TMEM132C: variants seen among roughly 807,000 people sequenced by gnomAD.
TMEM132C encodes the protein transmembrane protein 132C.
A neutral mutation model predicts 61.4 loss-of-function variants in TMEM132C; 29 were observed. The observed-to-expected ratio is 0.47, with a 90% confidence interval of 0.35 to 0.64. The LOEUF is 0.64. Among genes scored for constraint, TMEM132C ranks in the 30% least tolerant of loss-of-function variants. The pLI, the probability that TMEM132C is intolerant of heterozygous loss-of-function variation, is 0.00. For synonymous variants in TMEM132C, 656 were observed against 633.1 expected, an observed-to-expected ratio of 1.04 and a Z score of -0.54; for missense variants, 1,408 against 1,476.9, an observed-to-expected ratio of 0.95 and a Z score of 0.76.
intron 4 of TMEM132C, among the ~76,000 whole-genome samples, chr12:128,642,708 A>G (rs116387229): frequency 0.015 from 2,284 of 152,288 alleles, 62 homozygotes; most frequent in African/African-American, 0.053. Flanking sequence ...AGCCTGCAGA[A>G]CCATGAACCA....
chr12:128,278,909 A>C lies in TMEM132C; in HGVS notation c.85+11422A>C, dbSNP rs1412114415. ...AAAAGGCTGACCACCCCTAGAAGACAAGAAGGAATTCTGCCAGTCGACAGC... is the reference window on the plus strand; with the variant it reads ...AAAAGGCTGACCACCCCTAGAAGACCAGAAGGAATTCTGCCAGTCGACAGC... On this transcript the variant is annotated intron_variant, in intron 1 of 8. Coordinates refer to ENST00000435159, the MANE Select transcript of TMEM132C (RefSeq NM_001136103.3). The surrounding 1 kb of genome is among the most constrained non-coding windows in gnomAD (Gnocchi z 4.2). Among the ~76,000 whole-genome samples the C allele has an allele frequency of 1.3e-5, 2 of 152,092 alleles. No homozygotes were observed. The highest frequency in any genetic ancestry group is 4.8e-5 in the African/African-American group (2 of 41,396).
In TMEM132C at chr12:128,497,914, T is replaced by C. The variant is rs111686423; in HGVS notation, c.975-46043T>C. ...ATGCAGAAATCACCCGTCTTCTGCA[T>C]CGCTCATGCTGGGAGCTGTAGACTG... is the stretch of plus-strand genomic sequence containing the variant. On this transcript the variant is annotated intron_variant, in intron 2 of 8. Coordinates refer to ENST00000435159, the MANE Select transcript of TMEM132C (RefSeq NM_001136103.3). Among the ~76,000 whole-genome samples the C allele has an allele frequency of 4.9e-4, 74 of 152,266 alleles. 1 individual carries two copies. Among genetic ancestry groups the C allele is most frequent in the African/African-American group, 1.7e-3 (69 of 41,550 alleles).
At chr12:128,666,506 A>G (rs1854032842) in intron 4 of TMEM132C, among the ~76,000 whole-genome samples, 1 of 152,214 alleles carries the variant, frequency 6.6e-6, no homozygotes, top group African/African-American at 2.4e-5. Context: ...CTAGGATTCA[A>G]CAGTCGAAAA....
chr12:128,690,116 A>T (rs538439429), intron 5 of TMEM132C, among the ~76,000 whole-genome samples: 2 of 152,292 alleles, frequency 1.3e-5, no homozygotes, highest in South Asian at 4.1e-4. Flanking sequence ...ACCAAGCCTC[A>T]CGTGACCCCA....
rs79791752 is a variant in TMEM132C, at chr12:128,648,978, C to T, written c.1306-20439C>T. ...CAGCGTAGGATGTGAGTGTGTTTAGCTCAGTCCATCAGCATTGGATAAGTA... is the reference window on the plus strand; with the variant it reads ...CAGCGTAGGATGTGAGTGTGTTTAGTTCAGTCCATCAGCATTGGATAAGTA... On this transcript the variant is annotated intron_variant, in intron 4 of 8. Coordinates refer to ENST00000435159, the MANE Select transcript of TMEM132C (RefSeq NM_001136103.3). Among the ~76,000 whole-genome samples the T allele has an allele frequency of 3.4e-3, 512 of 149,632 alleles. 6 individuals carry two copies. Among genetic ancestry groups the T allele is most frequent in the Middle Eastern group, 0.01 (3 of 286 alleles).
At chr12:128,416,331 A>C (rs1868781546) in intron 2 of TMEM132C, among the ~76,000 whole-genome samples, 1 of 152,198 alleles carries the variant, frequency 6.6e-6, no homozygotes, top group Non-Finnish European at 1.5e-5. Flanking sequence ...ACAGGAGCAC[A>C]TGTTTTCTGA....
At chr12:128,393,163 C>G (rs1261381196) in intron 1 of TMEM132C, among the ~76,000 whole-genome samples, 1 of 152,184 alleles carries the variant, frequency 6.6e-6, no homozygotes, top group Non-Finnish European at 1.5e-5. Context: ...TAGGAAATGA[C>G]GATCCACAGT....
At chr12:128,545,206 A>T (rs118070589) in intron 3 of TMEM132C, among the ~76,000 whole-genome samples, 6,139 of 152,252 alleles carry the variant, frequency 0.04, 148 homozygotes, top group African/African-American at 0.05. Flanking sequence ...CCCACTTATA[A>T]GTGAGAACAT....
intron 3 of TMEM132C, among the ~76,000 whole-genome samples, chr12:128,579,780 G>A (rs1485532792): frequency 6.6e-6 from 1 of 152,188 alleles, no homozygotes; most frequent in Non-Finnish European, 1.5e-5. Context: ...CTGCCTTCAA[G>A]CTGGAGAGAT....
At chr12:128,569,609 T>C (rs1192895180) in intron 3 of TMEM132C, among the ~76,000 whole-genome samples, 1 of 152,216 alleles carries the variant, frequency 6.6e-6, no homozygotes, top group Admixed American at 6.5e-5. Flanking sequence ...ATCAGCTTTT[T>C]ATTAACCAGG....
chr12:128,583,297 A>G (rs1221551768), intron 3 of TMEM132C, among the ~76,000 whole-genome samples: 1 of 58,850 alleles, frequency 1.7e-5, no homozygotes, highest in East Asian at 7.2e-4. Flanking sequence ...CATATACATA[A>G]GTAAGAGTTT....
At chr12:128,638,854 ATGG>A (rs1593129182) in intron 4 of TMEM132C, among the ~76,000 whole-genome samples, 2 of 149,834 alleles carry the variant, frequency 1.3e-5, no homozygotes, top group Admixed American at 1.3e-4. Flanking sequence ...GATGATGGTG[ATGG>A]TGGTGATGAA....
chr12:128,433,849 G>A (rs1869482877), intron 2 of TMEM132C, among the ~76,000 whole-genome samples: 1 of 152,214 alleles, frequency 6.6e-6, no homozygotes, highest in African/African-American at 2.4e-5. Context: ...TAGGCAAAAG[G>A]GCCATAGCCC....
At chr12:128,321,093 T>C (rs1162105739) in intron 1 of TMEM132C, among the ~76,000 whole-genome samples, 4 of 150,400 alleles carry the variant, frequency 2.7e-5, no homozygotes, top group Non-Finnish European at 3.0e-5. Flanking sequence ...CCAGCCATGA[T>C]TTGTAGGAGG....
At chr12:128,303,420 C>A (rs896841373) in intron 1 of TMEM132C, among the ~76,000 whole-genome samples, 1 of 152,114 alleles carries the variant, frequency 6.6e-6, no homozygotes, top group Admixed American at 6.6e-5. Flanking sequence ...GAGCCTGATT[C>A]CAAAGTTTTC....
chr12:128,459,039 G>A (rs1174522519), intron 2 of TMEM132C, among the ~76,000 whole-genome samples: 1 of 152,212 alleles, frequency 6.6e-6, no homozygotes. Context: ...CAGTACAAGA[G>A]GTTTTAGACA....
chr12:128,478,952 T>C (rs997312710), intron 2 of TMEM132C, among the ~76,000 whole-genome samples: 6 of 152,192 alleles, frequency 3.9e-5, no homozygotes, highest in Non-Finnish European at 8.8e-5. Context: ...AGAGACCTCA[T>C]AAGGCTGGCC....
intron 3 of TMEM132C, among the ~76,000 whole-genome samples, chr12:128,583,109 C>T (rs999632433): frequency 6.6e-6 from 1 of 152,148 alleles, no homozygotes; most frequent in Non-Finnish European, 1.5e-5. Flanking sequence ...CTGAAAACAA[C>T]CCAAAAGTTT....
At chr12:128,286,526 C>T (rs944391247) in intron 1 of TMEM132C, among the ~76,000 whole-genome samples, 10 of 152,116 alleles carry the variant, frequency 6.6e-5, no homozygotes, top group South Asian at 2.1e-4. Context: ...TTACATAAAC[C>T]GGGAAATAAG....
Sources: gnomAD v4.1 joint callset for allele counts (sites outside exome capture counted in the v4.1 genomes callset) on GRCh38, gnomAD v4.1.1 for gene constraint, Gnocchi (gnomAD v3.1) non-coding constraint, MANE v1.5 for transcripts, NCBI Gene and HGNC (gene_info 2026-07-23, HGNC 2026-07-21) for gene names.